DPYSL3: variants seen among roughly 807,000 people sequenced by gnomAD.
DPYSL3 encodes the protein dihydropyrimidinase-related protein 3.
Under a neutral mutation model 66.1 loss-of-function variants are expected in DPYSL3, and 16 were observed. That is an observed-to-expected ratio of 0.24 (90% confidence interval 0.16 to 0.37). DPYSL3 has a LOEUF of 0.37. DPYSL3 is among the 10% of genes least tolerant of loss of function. The pLI is 1.00. For synonymous variants in DPYSL3, 338 were observed against 345.1 expected, an observed-to-expected ratio of 0.98 and a Z score of 0.23; for missense variants, 738 against 916.2, an observed-to-expected ratio of 0.81 and a Z score of 2.51.
chr5:147,454,477 C>T (rs988063393), intron 1 of DPYSL3, among the ~76,000 whole-genome samples: 4 of 152,248 alleles, frequency 2.6e-5, no homozygotes, highest in Admixed American at 1.3e-4. Context: ...TGGACTCAAC[C>T]ATTCCCTGTA....
intron 1 of DPYSL3, among the ~76,000 whole-genome samples, chr5:147,442,156 A>G (rs748807277): frequency 7.9e-5 from 12 of 152,254 alleles, no homozygotes; most frequent in South Asian, 4.1e-4. Context: ...TAAGTGGAAA[A>G]AAGTTTTAAA....
chr5:147,409,981 G>C (rs1751813063), intron 6 of DPYSL3, among the ~76,000 whole-genome samples: 3 of 152,034 alleles, frequency 2.0e-5, no homozygotes, highest in Admixed American at 2.0e-4. Flanking sequence ...GAAGTGAAAT[G>C]GTCACTATCT....
intron 1 of DPYSL3, among the ~76,000 whole-genome samples, chr5:147,466,657 C>T (rs1753013979): frequency 6.6e-6 from 1 of 152,228 alleles, no homozygotes; most frequent in South Asian, 2.1e-4. Context: ...GTGAAACTCA[C>T]TCCTGGATGG....
intron 2 of DPYSL3, among the ~76,000 whole-genome samples, chr5:147,422,386 C>T (rs1336325173): frequency 6.6e-6 from 1 of 152,172 alleles, no homozygotes; most frequent in Non-Finnish European, 1.5e-5. Context: ...AATAGGAATG[C>T]TTTTACACTG....
intron 1 of DPYSL3, among the ~76,000 whole-genome samples, chr5:147,498,133 T>C (rs762027320): frequency 4.1e-4 from 62 of 152,262 alleles, no homozygotes; most frequent in Non-Finnish European, 7.2e-4. Flanking sequence ...TTTCCCTCTA[T>C]GTACCCATAT....
At chr5:147,446,510 G>A (rs1260444232) in intron 1 of DPYSL3, among the ~76,000 whole-genome samples, 1 of 152,180 alleles carries the variant, frequency 6.6e-6, no homozygotes, top group Non-Finnish European at 1.5e-5. Flanking sequence ...TTCCAAATGG[G>A]TTCCTGGACC....
At chr5:147,496,511 G>A (rs1232047688) in intron 1 of DPYSL3, among the ~76,000 whole-genome samples, 1 of 151,650 alleles carries the variant, frequency 6.6e-6, no homozygotes, top group Non-Finnish European at 1.5e-5. Context: ...CTGACAAAGG[G>A]CTAATATCCA....
At position 147,509,481 on chromosome 5, in the gene DPYSL3, G is replaced by C. The variant is rs1328229065; in HGVS notation, c.378C>G (p.Asp126Glu). 6.6e-7 allele frequency: 1 copy of C among 1,518,706 alleles called. No individual in the cohort carries two copies. Among genetic ancestry groups the C allele is most frequent in the Admixed American group, 2.0e-5 (1 of 49,666 alleles). The allele number at this position is 1,518,706 out of a possible 1,614,324, so 94.1% of individuals were successfully genotyped here. The part of the protein sequence containing the change: ...KEVLQNLGPK[D>E]KSDRLLIKGG... ...AAGTGACCCGGGGCCCCCTTACCTT[G>C]TCCTTGGGGCCGAGGTTCTGCAACA... Residue 126 changes from aspartate (D) to glutamate (E), a missense_variant, in exon 1 of 14, where the codon GAC becomes GAG. Transcript: ENST00000343218. This position sits in a 1 kb window ranked among gnomAD's most constrained non-coding sequence, Gnocchi z 5.3.
At position 147,478,315 on chromosome 5, in the gene DPYSL3, T is replaced by C. The variant is rs148456932; in HGVS notation, c.381+31163A>G. Among the ~76,000 whole-genome samples, 128 of 152,278 alleles carry C rather than the reference T, an allele frequency of 8.4e-4. 1 individual carries two copies. The East Asian group carries it at 0.021, about 25-fold the overall frequency. On this transcript the variant is annotated intron_variant, in intron 1 of 13. Coordinates refer to ENST00000343218, the MANE Select transcript of DPYSL3 (RefSeq NM_001197294.2). ...CTGTAAGGGAGGCTGGAACATGTAG[T>C]TTTTTAAGCTGGGCACATTGCCTCT... is the stretch of plus-strand genomic sequence containing the variant.
At chr5:147,461,931 G>A (rs193211109) in intron 1 of DPYSL3, among the ~76,000 whole-genome samples, 5 of 152,034 alleles carry the variant, frequency 3.3e-5, no homozygotes, top group South Asian at 2.1e-4. Context: ...CTCCAAAACC[G>A]AACCCCTACC....
intron 1 of DPYSL3, among the ~76,000 whole-genome samples, chr5:147,467,424 T>C (rs530394352): frequency 6.6e-6 from 1 of 152,110 alleles, no homozygotes; most frequent in Admixed American, 6.5e-5. Context: ...TAGAAGTGAG[T>C]GGATGGAAAA....
intron 13 of DPYSL3, 39 bp downstream of exon 13, chr5:147,395,520 C>T: frequency 6.3e-7 from 1 of 1,577,410 alleles, no homozygotes; most frequent in Non-Finnish European, 8.6e-7. Flanking sequence ...TCTTCCCCTT[C>T]CCCCTTCTCT....
At chr5:147,492,410 A>G (rs1281775978) in intron 1 of DPYSL3, among the ~76,000 whole-genome samples, 1 of 152,156 alleles carries the variant, frequency 6.6e-6, no homozygotes, top group African/African-American at 2.4e-5. Flanking sequence ...TAATGTATCT[A>G]ACAGATAACA....
At chr5:147,463,975 T>C (rs1752971860) in intron 1 of DPYSL3, among the ~76,000 whole-genome samples, 1 of 152,130 alleles carries the variant, frequency 6.6e-6, no homozygotes, top group South Asian at 2.1e-4. Flanking sequence ...GAGTGTCTCA[T>C]TAACTGGCAC....
intron 1 of DPYSL3, among the ~76,000 whole-genome samples, chr5:147,444,433 C>T (rs1433226879): frequency 1.3e-5 from 2 of 152,068 alleles, no homozygotes; most frequent in South Asian, 2.1e-4. Flanking sequence ...TTTGCCAGAG[C>T]TTATGGTCAA....
At chr5:147,413,393 T>C (rs1324278766) in intron 5 of DPYSL3, among the ~76,000 whole-genome samples, 4 of 152,200 alleles carry the variant, frequency 2.6e-5, no homozygotes, top group Non-Finnish European at 5.9e-5. Context: ...GTGGAAACTC[T>C]AGCTCCCTGT....
chr5:147,497,021 C>A (rs543486036), intron 1 of DPYSL3, among the ~76,000 whole-genome samples: 4 of 152,214 alleles, frequency 2.6e-5, no homozygotes, highest in African/African-American at 9.6e-5. Flanking sequence ...CAGCGATAGA[C>A]TGAATTAAGA....
chr5:147,408,842 T>C (rs1751782709), intron 6 of DPYSL3, 46 bp from the exon 7 acceptor site: 1 of 1,593,538 alleles, frequency 6.3e-7, no homozygotes, highest in Non-Finnish European at 8.6e-7. Context: ...TCAAGTGAGA[T>C]TTGGAAAAAT....
chr5:147,473,396 T>A (rs1581210338), intron 1 of DPYSL3: 1 of 152,166 alleles, frequency 6.6e-6, no homozygotes, highest in Non-Finnish European at 1.5e-5. Context: ...GAAAAAACTT[T>A]GTTGGTTTTC....
Sources: allele counts gnomAD v4.1 joint callset (sites outside exome capture counted in the v4.1 genomes callset), GRCh38; gene constraint gnomAD v4.1.1; non-coding constraint Gnocchi (gnomAD v3.1); transcripts MANE v1.5; gene names NCBI Gene and HGNC (gene_info 2026-07-23, HGNC 2026-07-21).